Variants in ZDHHC15 observed in about 807,000 individuals in gnomAD.
ZDHHC15 encodes the protein palmitoyltransferase ZDHHC15.
ZDHHC15 carries 19 observed loss-of-function variants against 31.7 expected under a neutral mutation model. The ratio of observed to expected loss-of-function variants is 0.60; its 90% CI spans 0.42 to 0.88. ZDHHC15 has a LOEUF of 0.88. Among genes scored for constraint, ZDHHC15 ranks in the 40% least tolerant of loss-of-function variants. ZDHHC15 has a pLI of 0.00. For synonymous variants in ZDHHC15, 103 were observed against 90.0 expected, an observed-to-expected ratio of 1.14 and a Z score of -0.82; for missense variants, 209 against 251.2, an observed-to-expected ratio of 0.83 and a Z score of 1.14.
chrX:75,441,593 G>A (rs1406619402), intron 4 of ZDHHC15, among the ~76,000 whole-genome samples: 2 of 107,305 alleles, frequency 1.9e-5, no homozygotes, highest in African/African-American at 3.4e-5. Context: ...AATTCTTTCC[G>A]CTTTCCTGGT....
intron 2 of ZDHHC15, among the ~76,000 whole-genome samples, chrX:75,484,135 C>G (rs2084739282): frequency 8.9e-6 from 1 of 112,021 alleles, no homozygotes; most frequent in African/African-American, 3.2e-5. Context: ...TAATTGCTTA[C>G]TCAGCTTTTG....
chrX:75,383,140 G>A (rs186000350), intron 10 of ZDHHC15, among the ~76,000 whole-genome samples: 1 of 112,021 alleles, frequency 8.9e-6, no homozygotes, highest in Non-Finnish European at 1.9e-5. Context: ...GCCAGGATCT[G>A]TCACTTGCTA....
At chrX:75,481,069 TATC>T (rs1408367269) in intron 2 of ZDHHC15, among the ~76,000 whole-genome samples, 3 of 111,504 alleles carry the variant, frequency 2.7e-5, no homozygotes, top group Non-Finnish European at 5.7e-5. Flanking sequence ...TGTGAAGTGT[TATC>T]ATACTTTTTT....
chrX:75,403,633 C>T (rs2083381450), intron 10 of ZDHHC15, among the ~76,000 whole-genome samples: 1 of 111,316 alleles, frequency 9.0e-6, no homozygotes, highest in African/African-American at 3.3e-5. Context: ...TTCACAATTG[C>T]CACAAAAAAG....
intron 1 of ZDHHC15, 144 bp downstream of exon 1, chrX:75,522,745 G>T: frequency 1.2e-6 from 1 of 805,677 alleles, no homozygotes; most frequent in Non-Finnish European, 1.7e-6. Flanking sequence ...GGAAGCCAGA[G>T]GCTGGGGACA....
At chrX:75,395,362 G>A (rs1237116887) in intron 10 of ZDHHC15, among the ~76,000 whole-genome samples, 1 of 111,648 alleles carries the variant, frequency 9.0e-6, no homozygotes, top group Non-Finnish European at 1.9e-5. Context: ...TCAAGTTGCA[G>A]AATACAAAAT....
rs183002719 is a variant in ZDHHC15, at chrX:75,463,488, C to T, written c.259-12566G>A. ...CAAAAGAAACTACCATCAGAGTGAA[C>T]AGGCAACCTACAGAATGGGAGAAAA... is the stretch of plus-strand genomic sequence containing the variant. On this transcript the variant is annotated intron_variant, in intron 3 of 11. Transcript: ENST00000373367. Among the ~76,000 whole-genome samples the T allele has an allele frequency of 8.0e-3, 882 of 110,536 alleles. 11 individuals carry two copies. Among genetic ancestry groups the T allele is most frequent in the African/African-American group, 0.027 (813 of 30,479 alleles).
intron 3 of ZDHHC15, among the ~76,000 whole-genome samples, chrX:75,471,613 A>T (rs1302817594): frequency 8.9e-6 from 1 of 112,214 alleles, no homozygotes; most frequent in Non-Finnish European, 1.9e-5. Flanking sequence ...TTTTAGATGC[A>T]ACACATTCCT....
chrX:75,390,618 T>C (rs984412482), intron 10 of ZDHHC15, among the ~76,000 whole-genome samples: 1 of 111,640 alleles, frequency 9.0e-6, no homozygotes, highest in Admixed American at 9.5e-5. Context: ...GGTATTTATA[T>C]GAGTATGCAA....
At chrX:75,386,501 G>T (rs921002658) in intron 10 of ZDHHC15, among the ~76,000 whole-genome samples, 1 of 111,214 alleles carries the variant, frequency 9.0e-6, no homozygotes, top group African/African-American at 3.3e-5. Flanking sequence ...TTTGAGACAG[G>T]GTCTCACGCT....
chrX:75,515,552 C>A (rs982477262), intron 1 of ZDHHC15, among the ~76,000 whole-genome samples: 3 of 111,757 alleles, frequency 2.7e-5, no homozygotes, highest in Admixed American at 9.5e-5. Flanking sequence ...TCTAAAAACT[C>A]TCAATAAACT....
intron 4 of ZDHHC15, among the ~76,000 whole-genome samples, chrX:75,438,653 A>G (rs918509466): frequency 3.6e-5 from 4 of 111,717 alleles, no homozygotes; most frequent in African/African-American, 9.8e-5. Flanking sequence ...GGCCGTTTAC[A>G]TTCAACATTA....
intron 2 of ZDHHC15, among the ~76,000 whole-genome samples, chrX:75,488,774 GC>G (rs2148002518): frequency 8.9e-6 from 1 of 111,947 alleles, no homozygotes; most frequent in Admixed American, 9.4e-5. Flanking sequence ...AGTGCACCAA[GC>G]GCTAGCCGAA....
At chrX:75,510,201 C>T (rs1466591413) in intron 1 of ZDHHC15, among the ~76,000 whole-genome samples, 1 of 111,531 alleles carries the variant, frequency 9.0e-6, no homozygotes, top group Non-Finnish European at 1.9e-5. Flanking sequence ...AATATAGATT[C>T]CAGGGCTCTC....
intron 4 of ZDHHC15, among the ~76,000 whole-genome samples, chrX:75,443,876 A>G (rs1372249193): frequency 3.6e-5 from 4 of 112,097 alleles, no homozygotes; most frequent in African/African-American, 1.3e-4. Context: ...AATGCTCATC[A>G]TCACTGGCCA....
intron 9 of ZDHHC15, among the ~76,000 whole-genome samples, chrX:75,418,998 ACT>A (rs985786641): frequency 8.9e-6 from 1 of 111,953 alleles, no homozygotes; most frequent in African/African-American, 3.2e-5. Flanking sequence ...AGCAAAAGAA[ACT>A]CTCATTAGAG....
At chrX:75,378,152 T>G (rs2083078623) in intron 11 of ZDHHC15, among the ~76,000 whole-genome samples, 1 of 111,446 alleles carries the variant, frequency 9.0e-6, no homozygotes, top group Non-Finnish European at 1.9e-5. Context: ...ATGGTGGAAA[T>G]AGCATGCTTT....
intron 3 of ZDHHC15, among the ~76,000 whole-genome samples, chrX:75,456,065 G>T (rs1379356079): frequency 9.0e-6 from 1 of 111,637 alleles, no homozygotes; most frequent in Non-Finnish European, 1.9e-5. Context: ...TATGTTTATT[G>T]TGGCACTATT....
chrX:75,475,694 G>C (rs2084593076), intron 3 of ZDHHC15, among the ~76,000 whole-genome samples: 1 of 111,869 alleles, frequency 8.9e-6, no homozygotes, highest in Admixed American at 9.5e-5. Context: ...TTTTTGGTAT[G>C]TGGGATCTCT....
Sources: allele counts gnomAD v4.1 joint callset (sites outside exome capture counted in the v4.1 genomes callset), GRCh38; gene constraint gnomAD v4.1.1; transcripts MANE v1.5; gene names NCBI Gene and HGNC (gene_info 2026-07-23, HGNC 2026-07-21).